The following TIAM2 variants were observed in gnomAD, a reference collection of about 807,000 sequenced individuals.
TIAM2 encodes the protein rho guanine nucleotide exchange factor TIAM2.
TIAM2 carries 80 observed loss-of-function variants against 152.9 expected under a neutral mutation model. That is an observed-to-expected ratio of 0.52 (90% CI 0.44 to 0.63). The LOEUF is 0.63. Among genes scored for constraint, TIAM2 ranks in the 30% least tolerant of loss-of-function variants. The pLI is 0.00. For missense variants in TIAM2, 1,965 were observed against 2,120.1 expected, an observed-to-expected ratio of 0.93 and a Z score of 1.44; for synonymous variants, 804 against 838.0, an observed-to-expected ratio of 0.96 and a Z score of 0.70.
intron 5 of TIAM2, among the ~76,000 whole-genome samples, chr6:155,138,057 C>T (rs1406551001): frequency 2.0e-5 from 3 of 152,166 alleles, no homozygotes; most frequent in African/African-American, 7.2e-5. Context: ...CCAGGCTGCT[C>T]TCATAACTCC....
chr6:155,023,653 C>T (rs909590979), intron 1 of TIAM2, among the ~76,000 whole-genome samples: 2 of 152,096 alleles, frequency 1.3e-5, no homozygotes, highest in African/African-American at 4.8e-5. Context: ...TGGAGGTCTT[C>T]TCTTGCGGGG....
chr6:155,212,906 C>T (rs930913614), intron 15 of TIAM2, among the ~76,000 whole-genome samples: 7 of 152,142 alleles, frequency 4.6e-5, no homozygotes, highest in Admixed American at 2.0e-4. Flanking sequence ...GCACGGGCGC[C>T]GGTTCCCTGT....
chr6:155,107,773 G>T (rs1018698792), intron 2 of TIAM2, among the ~76,000 whole-genome samples: 3 of 152,176 alleles, frequency 2.0e-5, no homozygotes, highest in Non-Finnish European at 2.9e-5. Context: ...TGTTTAAGAG[G>T]AGTGATTGAT....
rs138428525 is a variant in TIAM2, at chr6:155,226,641, A to G, written c.3169-13889A>G. Among the ~76,000 whole-genome samples the G allele has an allele frequency of 4.8e-3, 710 of 146,866 alleles. 4 individuals are homozygous for G. Among genetic ancestry groups the G allele is most frequent in the African/African-American group, 0.017 (672 of 39,908 alleles). The stretch of plus-strand genomic sequence containing the variant: ...GATCGTGCCACTGCACTCCAGCCTG[A>G]GCAACAAGAGTGAAACTGCATCTCG... On this transcript the variant is annotated intron_variant, in intron 15 of 26. Coordinates refer to ENST00000682666, the MANE Select transcript of TIAM2 (RefSeq NM_012454.4).
chr6:155,183,190 A>G (rs371465867), intron 13 of TIAM2, 47 bp from the exon 14 acceptor site: 75 of 1,578,732 alleles, frequency 4.8e-5, no homozygotes, highest in Non-Finnish European at 6.3e-5. Flanking sequence ...AATATTTCTC[A>G]CAGTAATCCC....
intron 9 of TIAM2, among the ~76,000 whole-genome samples, chr6:155,167,298 T>C (rs951068208): frequency 2.0e-5 from 3 of 152,194 alleles, no homozygotes; most frequent in Non-Finnish European, 4.4e-5. Flanking sequence ...CTTGGCTCAC[T>C]GCAACCTCCA....
At chr6:155,216,376 A>G (rs1209342750) in intron 15 of TIAM2, among the ~76,000 whole-genome samples, 3 of 152,190 alleles carry the variant, frequency 2.0e-5, no homozygotes, top group East Asian at 3.9e-4. Context: ...TATTCTAGAC[A>G]TTAGAATAAA....
intron 9 of TIAM2, among the ~76,000 whole-genome samples, chr6:155,166,058 C>G (rs1037885723): frequency 6.6e-6 from 1 of 152,118 alleles, no homozygotes; most frequent in Admixed American, 6.6e-5. Context: ...AGTGGCAGCT[C>G]AGTTCTGTTG....
chr6:155,086,845 T>C (rs2114974223), intron 1 of TIAM2, among the ~76,000 whole-genome samples: 1 of 152,292 alleles, frequency 6.6e-6, no homozygotes, highest in South Asian at 2.1e-4. Context: ...TATTAGCAAT[T>C]TGACGAATCA....
rs115166473 is a variant in TIAM2, at chr6:155,174,680, T to C, written c.2362-2136T>C. Among the ~76,000 whole-genome samples the C allele has an allele frequency of 7.3e-3, 1,116 of 152,306 alleles. 11 individuals are homozygous for C. The highest frequency in any genetic ancestry group is 0.025 in the African/African-American group (1,057 of 41,562). On this transcript the variant is annotated intron_variant, in intron 9 of 26. Transcript: ENST00000682666. This position sits in a 1 kb window ranked among gnomAD's most constrained non-coding sequence, Gnocchi z 4.2. ...CATGGCGCCCGGCCAAGTGATACAG[T>C]CTTTCTCTGATTGTCAGTAACGGTG...
At chr6:155,143,448 C>A (rs1779756530) in intron 5 of TIAM2, among the ~76,000 whole-genome samples, 2 of 151,882 alleles carry the variant, frequency 1.3e-5, no homozygotes, top group African/African-American at 4.8e-5. Flanking sequence ...TCACTTTTCT[C>A]CCTTAGTCTA....
In TIAM2 at chr6:155,129,458, G is replaced by A. The variant is rs768911342; in HGVS notation, c.235G>A (p.Gly79Ser). The part of the protein sequence containing the change: ...KSNQPYASRL[G>S]GPTCKVSRGV... ...TAACCAGCCTTACGCATCGAGACTC[G>A]GTGGCCCCACATGCAAGGTCTCCAG... Residue 79 changes from glycine to serine, a missense_variant, in exon 4 of 27, where the codon GGT (glycine) becomes AGT (serine). Coordinates refer to ENST00000682666, the MANE Select transcript of TIAM2 (RefSeq NM_012454.4). The surrounding 1 kb of genome is among the most constrained non-coding windows in gnomAD (Gnocchi z 4.8). The A allele has an allele frequency of 8.1e-6, 13 of 1,613,922 alleles. No homozygotes were observed. The highest frequency in any genetic ancestry group is 5.0e-5 in the Admixed American group (3 of 59,978).
chr6:155,195,325 A>G (rs1190295671), intron 14 of TIAM2, among the ~76,000 whole-genome samples: 1 of 152,230 alleles, frequency 6.6e-6, no homozygotes, highest in Admixed American at 6.5e-5. Flanking sequence ...GGTCCATGAC[A>G]TGAGATTTGC....
intron 16 of TIAM2, among the ~76,000 whole-genome samples, chr6:155,241,156 G>A (rs1031373948): frequency 5.9e-5 from 9 of 152,188 alleles, no homozygotes; most frequent in East Asian, 1.9e-4. Context: ...GAACTGGGAC[G>A]CACACACTGG....
chr6:155,126,052 C>T (rs1236147676), intron 2 of TIAM2, among the ~76,000 whole-genome samples: 2 of 152,022 alleles, frequency 1.3e-5, no homozygotes, highest in African/African-American at 4.8e-5. Context: ...TTCATAATAG[C>T]CAAGAGGTGG....
rs1483182925 is a variant in TIAM2 at position 155,029,470 on chromosome 6, AC to A, written c.-209+33979del. On this transcript the variant is annotated intron_variant, in intron 1 of 26. Coordinates refer to ENST00000682666, the MANE Select transcript of TIAM2 (RefSeq NM_012454.4). ...ATAGTATATATTATATATAATATAT[AC>A]TATAGTATATATACTATAGTATATA... Among the ~76,000 whole-genome samples, 8 of 48,252 alleles carry A rather than the reference AC, an allele frequency of 1.7e-4. 2 individuals carry two copies. The highest frequency in any genetic ancestry group is 6.4e-4 in the African/African-American group (6 of 9,396). The allele number at this position is 48,252 out of a possible 152,430, so 31.7% of individuals were successfully genotyped here. A position where few individuals can be genotyped will look rare whatever the true frequency, so the allele number is the denominator to read the frequency against.
chr6:155,242,097 C>T (rs1783059686), intron 16 of TIAM2, among the ~76,000 whole-genome samples: 1 of 152,212 alleles, frequency 6.6e-6, no homozygotes, highest in African/African-American at 2.4e-5. Context: ...TCTCCCTTCT[C>T]TCTGCAAGAA....
intron 5 of TIAM2, among the ~76,000 whole-genome samples, chr6:155,143,712 G>T (rs563720993): frequency 3.6e-4 from 55 of 152,284 alleles, no homozygotes; most frequent in Non-Finnish European, 6.6e-4. Flanking sequence ...ATGTGGTGTT[G>T]TGCTTAAGGA....
chr6:155,195,991 G>T (rs146330355), intron 14 of TIAM2, among the ~76,000 whole-genome samples: 1 of 152,228 alleles, frequency 6.6e-6, no homozygotes. Flanking sequence ...GGGAGAAGCC[G>T]TTGCAGAGAA....
Sources: gnomAD v4.1 joint callset for allele counts (sites outside exome capture counted in the v4.1 genomes callset) on GRCh38, gnomAD v4.1.1 for gene constraint, Gnocchi (gnomAD v3.1) non-coding constraint, MANE v1.5 for transcripts, NCBI Gene and HGNC (gene_info 2026-07-23, HGNC 2026-07-21) for gene names.